Variants in FREM2 observed in about 807,000 individuals in gnomAD.
FREM2 encodes FRAS1 related extracellular matrix 2, also known as FRAS1-related extracellular matrix protein 2.
A neutral mutation model predicts 219.9 loss-of-function variants in FREM2; 119 were observed. That is an observed-to-expected ratio of 0.54 (90% CI 0.47 to 0.63). The LOEUF (loss-of-function observed/expected upper bound fraction) is 0.63. Ranked by LOEUF, FREM2 falls within the 30% of genes least tolerant of loss-of-function variation. The pLI is 0.00. For synonymous variants in FREM2, 1,562 were observed against 1,522.8 expected (o/e 1.03, Z -0.60); for missense variants, 4,030 against 3,993.6 (o/e 1.01, Z -0.25).
chr13:38,753,318 T>G (rs1479615890), intron 2 of FREM2, among the ~76,000 whole-genome samples: 1 of 152,212 alleles, frequency 6.6e-6, no homozygotes, highest in Non-Finnish European at 1.5e-5. Context: ...AGTCTTATGC[T>G]TAAGAACAGT....
intron 2 of FREM2, among the ~76,000 whole-genome samples, chr13:38,710,686 A>G (rs893957707): frequency 2.6e-5 from 4 of 152,228 alleles, no homozygotes; most frequent in African/African-American, 4.8e-5. Context: ...GAGGTCAATA[A>G]ATACGTGTGG....
intron 6 of FREM2, among the ~76,000 whole-genome samples, chr13:38,842,992 G>A (rs1028213745): frequency 2.6e-5 from 4 of 152,186 alleles, no homozygotes; most frequent in African/African-American, 7.2e-5. Flanking sequence ...TTATTTAAAA[G>A]TATAAAGACC....
chr13:38,871,580 C>T (rs1023187230), intron 16 of FREM2, among the ~76,000 whole-genome samples: 4 of 152,116 alleles, frequency 2.6e-5, no homozygotes, highest in African/African-American at 7.2e-5. Flanking sequence ...AAAACATGGG[C>T]CAAAAGCTGA....
chr13:38,774,168 C>T (rs1873782253), intron 4 of FREM2, among the ~76,000 whole-genome samples: 1 of 151,944 alleles, frequency 6.6e-6, no homozygotes, highest in Non-Finnish European at 1.5e-5. Context: ...TATATGAAAA[C>T]AACACAGTAA....
chr13:38,853,317 G>GAAAA (rs776640338), intron 11 of FREM2, among the ~76,000 whole-genome samples: 12 of 56,902 alleles, frequency 2.1e-4, no homozygotes, highest in African/African-American at 4.2e-4. Context: ...AACTCCGTCT[G>GAAAA]AAAAAAAAAA....
chr13:38,830,510 T>G (rs1876466149), intron 6 of FREM2, among the ~76,000 whole-genome samples: 1 of 152,244 alleles, frequency 6.6e-6, no homozygotes, highest in Non-Finnish European at 1.5e-5. Flanking sequence ...ATGCTTGGTT[T>G]GCTTTTTTTG....
chr13:38,861,430 G>C lies in FREM2; in HGVS notation c.7520-1G>C. 1 of 1,501,164 alleles carries C rather than the reference G, an allele frequency of 6.7e-7. No homozygotes were observed. The highest frequency in any genetic ancestry group is 1.1e-5 in the South Asian group (1 of 87,858). The allele number at this position is 1,501,164 out of a possible 1,614,324, so 93.0% of individuals were successfully genotyped here. A position where few individuals can be genotyped will look rare whatever the true frequency, so the allele number is the denominator to read the frequency against. On this transcript the variant is annotated splice_acceptor_variant, in intron 14 of 23. Transcript: ENST00000280481. LOFTEE classifies it high-confidence loss of function. Reference sequence around the variant, plus strand: ...TAAATATGGTCTTTTTTTTTTTCAAGGTCTTTGTCAGCCCCGTGTACCTGG... The same window carrying C: ...TAAATATGGTCTTTTTTTTTTTCAACGTCTTTGTCAGCCCCGTGTACCTGG...
At chr13:38,825,089 A>G (rs1202106361) in intron 6 of FREM2, among the ~76,000 whole-genome samples, 1 of 152,122 alleles carries the variant, frequency 6.6e-6, no homozygotes, top group Admixed American at 6.6e-5. Context: ...TAGGGTTGTT[A>G]TACAGAATAA....
intron 2 of FREM2, among the ~76,000 whole-genome samples, chr13:38,754,398 A>G (rs948051883): frequency 3.3e-5 from 5 of 152,210 alleles, no homozygotes; most frequent in African/African-American, 4.8e-5. Context: ...TAAGCAAATT[A>G]GAATTAAGCT....
intron 6 of FREM2, among the ~76,000 whole-genome samples, chr13:38,834,455 G>C (rs1454029097): frequency 4.6e-5 from 7 of 152,064 alleles, no homozygotes; most frequent in African/African-American, 7.2e-5. Flanking sequence ...ATAATCTTTG[G>C]CTATATACCC....
Position 38,691,655 on chromosome 13 carries a change from C to G in FREM2, c.4311C>G (p.Val1437=). The change falls in exon 1 of 24, where the codon GTC becomes GTG. Residue 1437 remains valine (V), a synonymous_variant. Coordinates refer to ENST00000280481, the MANE Select transcript of FREM2 (RefSeq NM_207361.6). ...KGVSLKEGGK[V]TLTTDLLSTS... The stretch of plus-strand genomic sequence containing the variant: ...TGTCCTTGAAAGAAGGTGGCAAAGT[C>G]ACTCTTACAACAGACCTACTAAGCA... 1 of 1,614,114 alleles carries G rather than the reference C, an allele frequency of 6.2e-7. No homozygotes were observed. The highest frequency in any genetic ancestry group is 2.2e-5 in the East Asian group (1 of 44,874).
rs1877884669 is a variant in FREM2 at position 38,864,492 on chromosome 13, C to T, written c.7869C>T (p.Thr2623=). 6 of 1,614,008 alleles carry T rather than the reference C, an allele frequency of 3.7e-6. No homozygotes were observed. Among genetic ancestry groups the T allele is most frequent in the Non-Finnish European group, 4.2e-6 (5 of 1,179,984 alleles). ...GCTTGTCCATCAGAGGTTCCACTAC[C>T]TTGCGCTTCTACCGGAACCTGAACC... The part of the protein sequence containing the change: ...QYSLSIRGST[T]LRFYRNLNLE... Residue 2623 remains threonine (T), a synonymous_variant, in exon 16 of 24, where the codon ACC becomes ACT. Transcript: ENST00000280481.
chr13:38,814,536 T>C (rs1439593802), intron 6 of FREM2, among the ~76,000 whole-genome samples: 1 of 152,152 alleles, frequency 6.6e-6, no homozygotes, highest in Non-Finnish European at 1.5e-5. Context: ...CTGAGCCACC[T>C]GGAACCTGGG....
chr13:38,716,299 T>G (rs1356681532), intron 2 of FREM2, among the ~76,000 whole-genome samples: 1 of 152,176 alleles, frequency 6.6e-6, no homozygotes, highest in East Asian at 1.9e-4. Flanking sequence ...GCAGTGTGCT[T>G]TGCTATTTTC....
At chr13:38,859,798 C>G (rs920849325) in intron 14 of FREM2, among the ~76,000 whole-genome samples, 1 of 151,950 alleles carries the variant, frequency 6.6e-6, no homozygotes, top group Non-Finnish European at 1.5e-5. Context: ...ATATGCCAGA[C>G]ACAATGCTTT....
chr13:38,711,913 C>CTTT (rs1224297915), intron 2 of FREM2, among the ~76,000 whole-genome samples: 353 of 107,362 alleles, frequency 3.3e-3, no homozygotes, highest in African/African-American at 8.8e-3. Flanking sequence ...CTGATAATTT[C>CTTT]TTTTTTTTTT....
At chr13:38,800,206 A>G (rs1302458917) in intron 6 of FREM2, among the ~76,000 whole-genome samples, 3 of 152,090 alleles carry the variant, frequency 2.0e-5, no homozygotes, top group African/African-American at 7.2e-5. Context: ...TTCACTTACA[A>G]GTTTAGGGAT....
At chr13:38,764,868 A>G (rs1258904108) in intron 3 of FREM2, among the ~76,000 whole-genome samples, 5 of 152,248 alleles carry the variant, frequency 3.3e-5, no homozygotes, top group African/African-American at 9.6e-5. Context: ...AAGAGTCAGA[A>G]GCAAACGAAT....
rs756307955 is a variant in FREM2, at chr13:38,878,288, C to T, written c.8826C>T (p.Asp2942=). 3.7e-6 allele frequency: 6 copies of T among 1,613,500 alleles called. No individual in the cohort carries two copies. Among genetic ancestry groups the T allele is most frequent in the East Asian group, 4.5e-5 (2 of 44,816 alleles). Residue 2942 remains aspartate (D), a synonymous_variant, in exon 22 of 24, where the codon GAC becomes GAT. Coordinates refer to ENST00000280481, the MANE Select transcript of FREM2 (RefSeq NM_207361.6). ...PMNAEYGCLA[D]SPSLLYRFKI... ...ATGCAGAATATGGCTGCTTAGCCGA[C>T]TCTCCTTCACTCTTATATAGATTTA...
Sources: allele counts gnomAD v4.1 joint callset (sites outside exome capture counted in the v4.1 genomes callset), GRCh38; gene constraint gnomAD v4.1.1; transcripts MANE v1.5; gene names NCBI Gene and HGNC (gene_info 2026-07-23, HGNC 2026-07-21).